The following CWC22 variants were observed in gnomAD, a reference collection of about 807,000 sequenced individuals.
CWC22 encodes pre-mRNA-splicing factor CWC22 homolog.
In CWC22, 53 loss-of-function variants were observed where a neutral mutation model predicts 117.2. That is an observed-to-expected ratio of 0.45 (90% CI 0.36 to 0.57). CWC22 has a LOEUF of 0.57. Ranked by LOEUF, CWC22 falls within the 20% of genes least tolerant of loss-of-function variation. CWC22 has a pLI of 0.00. For synonymous variants in CWC22, 360 were observed against 355.6 expected, an observed-to-expected ratio of 1.01 and a Z score of -0.14; for missense variants, 980 against 1,068.8, an observed-to-expected ratio of 0.92 and a Z score of 1.16.
chr2:179,991,571 G>A (rs1308601272), intron 2 of CWC22, among the ~76,000 whole-genome samples: 3 of 152,288 alleles, frequency 2.0e-5, no homozygotes, highest in East Asian at 3.9e-4. Context: ...GCCACAAGAG[G>A]GAAGCGTGGA....
At chr2:180,002,379 T>A (rs1425301708) in intron 1 of CWC22, among the ~76,000 whole-genome samples, 1 of 152,192 alleles carries the variant, frequency 6.6e-6, no homozygotes, top group Non-Finnish European at 1.5e-5. Context: ...TAATTGATAT[T>A]TATATTCAGT....
chr2:179,946,464 AG>A lies in CWC22; in HGVS notation c.2141-750del, dbSNP rs1553556645. Among the ~76,000 whole-genome samples, 519 of 92,494 alleles carry A rather than the reference AG, an allele frequency of 5.6e-3. 9 individuals are homozygous for A. The highest frequency in any genetic ancestry group is 7.2e-3 in the East Asian group (17 of 2,350). 60.7% of individuals were successfully genotyped at this position (92,494 alleles called of 152,430 possible). The stretch of plus-strand genomic sequence containing the variant: ...GGACTCTGTCCAAAAAAAAAAAAAA[AG>A]GGGGGGGGGGAAGGGGAGGGGAGGG... On this transcript the variant is annotated intron_variant, in intron 19 of 19. Transcript: ENST00000410053.
In CWC22 at chr2:179,985,366, A is replaced by G. The variant is rs567342621; in HGVS notation, c.206+1329T>C. Among the ~76,000 whole-genome samples, 153 of 152,058 alleles carry G rather than the reference A, an allele frequency of 1.0e-3. 1 individual carries two copies. Among genetic ancestry groups the G allele is most frequent in the Non-Finnish European group, 1.9e-3 (126 of 67,900 alleles). On this transcript the variant is annotated intron_variant, in intron 4 of 19. Transcript: ENST00000410053. ...AGAGTATTTCCATCTGCAGAATGCT[A>G]GTTAACATCTCTTCCCTATATTGAG...
chr2:179,954,638 T>C (rs1044316291), intron 15 of CWC22, among the ~76,000 whole-genome samples: 3 of 152,094 alleles, frequency 2.0e-5, no homozygotes, highest in African/African-American at 7.2e-5. Flanking sequence ...TTAATTGTGC[T>C]GCCTGAACAT....
At chr2:179,955,685 G>C (rs1443520325) in intron 14 of CWC22, among the ~76,000 whole-genome samples, 1 of 151,856 alleles carries the variant, frequency 6.6e-6, no homozygotes, top group African/African-American at 2.4e-5. Flanking sequence ...ATTCCAATTA[G>C]CTATTCAGGC....
At chr2:179,956,716 TA>T (rs1686600438) in intron 14 of CWC22, among the ~76,000 whole-genome samples, 1 of 151,440 alleles carries the variant, frequency 6.6e-6, no homozygotes. Context: ...TACTAAAAAC[TA>T]AAAAAATAAG....
chr2:179,964,460 T>C, intron 13 of CWC22, 87 bp downstream of exon 13: 2 of 666,746 alleles, frequency 3.0e-6, no homozygotes, highest in Non-Finnish European at 5.1e-6. Context: ...CAGTTTTCTG[T>C]TATGAGACCC....
At chr2:180,003,615 C>T (rs1193699122) in intron 1 of CWC22, among the ~76,000 whole-genome samples, 2 of 152,182 alleles carry the variant, frequency 1.3e-5, no homozygotes, top group Non-Finnish European at 2.9e-5. Flanking sequence ...CATTCTACTA[C>T]AGAGGCTCCT....
At chr2:179,985,030 A>G (rs1022211323) in intron 4 of CWC22, among the ~76,000 whole-genome samples, 1 of 152,026 alleles carries the variant, frequency 6.6e-6, no homozygotes, top group Non-Finnish European at 1.5e-5. Context: ...AACCTAAACA[A>G]CCAGACAAGA....
chr2:179,964,102 A>G (rs1686828589), intron 13 of CWC22, among the ~76,000 whole-genome samples: 3 of 152,226 alleles, frequency 2.0e-5, no homozygotes, highest in Admixed American at 2.0e-4. Flanking sequence ...ATTTCTGTTT[A>G]TACTCATTGA....
At chr2:179,993,146 C>T (rs186223352) in intron 2 of CWC22, among the ~76,000 whole-genome samples, 169 bp downstream of exon 2, 18 of 152,344 alleles carry the variant, frequency 1.2e-4, no homozygotes, top group Admixed American at 8.5e-4. Context: ...TTGGTGCAAA[C>T]AGTAATTGTG....
intron 5 of CWC22, 131 bp from the exon 6 acceptor site, chr2:179,978,449 A>AAT: frequency 1.1e-6 from 1 of 932,544 alleles, no homozygotes; most frequent in Middle Eastern, 3.8e-4. Flanking sequence ...AGTACAGTAA[A>AAT]ATATATGATG....
intron 6 of CWC22, among the ~76,000 whole-genome samples, chr2:179,977,956 A>T (rs141439250): frequency 6.0e-4 from 91 of 152,298 alleles, no homozygotes; most frequent in African/African-American, 2.2e-3. Context: ...TGCAAAAACC[A>T]TTATGTGAAA....
intron 3 of CWC22, among the ~76,000 whole-genome samples, chr2:179,987,576 T>C (rs1196334601): frequency 6.6e-6 from 1 of 152,064 alleles, no homozygotes; most frequent in Non-Finnish European, 1.5e-5. Context: ...GGCAATTAAC[T>C]TGATGTTCAC....
At chr2:180,000,740 T>C (rs1015494604) in intron 1 of CWC22, among the ~76,000 whole-genome samples, 2 of 152,126 alleles carry the variant, frequency 1.3e-5, no homozygotes, top group Non-Finnish European at 2.9e-5. Context: ...TATAAAAGCA[T>C]TTGACTGGTC....
chr2:179,989,433 T>A (rs1471355973), intron 2 of CWC22, among the ~76,000 whole-genome samples: 1 of 152,092 alleles, frequency 6.6e-6, no homozygotes, highest in African/African-American at 2.4e-5. Flanking sequence ...ACAACTTTAG[T>A]ACAGGGTAAA....
In CWC22 at chr2:179,988,615, G is replaced by T. The variant is rs199819389; in HGVS notation, c.57C>A (p.Asn19Lys). 7.1e-5 allele frequency: 109 copies of T among 1,528,364 alleles called. No individual in the cohort carries two copies. In the African/African-American group the frequency reaches 1.4e-3, roughly 19 times the overall value. The allele number at this position is 1,528,364 out of a possible 1,614,324, so 94.7% of individuals were successfully genotyped here. Residue 19 changes from asparagine (N) to lysine (K), a missense_variant, in exon 3 of 20, where the codon AAC becomes AAA. By Grantham distance (94) the Asn-to-Lys change is moderately conservative (BLOSUM62 0). This residue lies in a region of CWC22 where 559 missense variants were observed against 602.3 expected (regional missense o/e 0.93). Transcript: ENST00000410053. The part of the protein sequence containing the change: ...KPSSGHDRRE[N>K]LNSYQRNSSP... ...AGGAGTTCCTCTGATATGAATTAAG[G>T]TTTTCCCTTCTGTCATGACCAGAAG... is the stretch of plus-strand genomic sequence containing the variant.
chr2:179,975,509 A>C (rs1687132883), intron 6 of CWC22, among the ~76,000 whole-genome samples: 1 of 152,240 alleles, frequency 6.6e-6, no homozygotes, highest in Non-Finnish European at 1.5e-5. Flanking sequence ...TGCTGTAAAC[A>C]GGATCTTAAT....
At chr2:179,992,174 C>G (rs1420876323) in intron 2 of CWC22, among the ~76,000 whole-genome samples, 2 of 152,200 alleles carry the variant, frequency 1.3e-5, no homozygotes, top group African/African-American at 4.8e-5. Context: ...ACAGTTCCCC[C>G]TTTACTGACT....
Sources: allele counts gnomAD v4.1 joint callset (sites outside exome capture counted in the v4.1 genomes callset), GRCh38; gene constraint gnomAD v4.1.1; regional missense constraint gnomAD v4.1.1; transcripts MANE v1.5; gene names NCBI Gene and HGNC (gene_info 2026-07-23, HGNC 2026-07-21).